KMT2C: variants seen among roughly 807,000 people sequenced by gnomAD.
KMT2C encodes the protein histone-lysine N-methyltransferase 2C.
KMT2C carries 88 observed loss-of-function variants against 507.9 expected under a neutral mutation model. The ratio of observed to expected loss-of-function variants is 0.17; its 90% confidence interval spans 0.15 to 0.21. The LOEUF is 0.21. Ranked by LOEUF, KMT2C falls within the 10% of genes least tolerant of loss-of-function variation. The probability of loss-of-function intolerance (pLI) is 1.00; values close to 1 mark genes in which losing one functional copy is unlikely to be tolerated. For synonymous variants in KMT2C, 2,049 were observed against 2,080.8 expected (o/e 0.98, Z 0.42); for missense variants, 4,954 against 5,957.8 (o/e 0.83, Z 5.55).
At chr7:152,279,089 G>A (rs1464074748) in intron 6 of KMT2C, among the ~76,000 whole-genome samples, 1 of 152,034 alleles carries the variant, frequency 6.6e-6, no homozygotes, top group Non-Finnish European at 1.5e-5. Flanking sequence ...TTAAAAAGCA[G>A]GTATTTCCTA....
At chr7:152,356,584 AC>A (rs1447517055) in intron 2 of KMT2C, among the ~76,000 whole-genome samples, 1 of 151,424 alleles carries the variant, frequency 6.6e-6, no homozygotes, top group Admixed American at 6.6e-5. Context: ...TCTCAAAAAA[AC>A]AAAATTAAAA....
rs587778501 is a variant in KMT2C at position 152,176,382 on chromosome 7, C to T, written c.9071G>A (p.Ser3024Asn). ...CATTAGCTGTTGGGGTCCAGACATG[C>T]TACTGGTACCAGACTGACTTGTTTG... The part of the protein sequence containing the change: ...GPQTSQSGTS[S>N]MSGPQQLMIP... Residue 3024 changes from serine to asparagine, a missense_variant, in exon 38 of 59, where the codon AGC (serine) becomes AAC (asparagine). Transcript: ENST00000262189. The T allele has an allele frequency of 1.2e-6, 2 of 1,614,112 alleles. No individual in the cohort carries two copies. Among genetic ancestry groups the T allele is most frequent in the Admixed American group, 1.7e-5 (1 of 60,024 alleles).
At chr7:152,373,170 A>T (rs931746590) in intron 1 of KMT2C, among the ~76,000 whole-genome samples, 1 of 152,220 alleles carries the variant, frequency 6.6e-6, no homozygotes, top group Non-Finnish European at 1.5e-5. Context: ...AAACAGATAT[A>T]AATGCAGTAA....
At chr7:152,273,363 GTTGA>G (rs1171897616) in intron 7 of KMT2C, among the ~76,000 whole-genome samples, 1 of 152,114 alleles carries the variant, frequency 6.6e-6, no homozygotes, top group South Asian at 2.1e-4. Flanking sequence ...GCTTTTTAGT[GTTGA>G]TTGACTTTTT....
rs2129119981 is a variant in KMT2C, at chr7:152,181,450, G to A, written c.6410C>T (p.Thr2137Ile). 6.2e-7 allele frequency: 1 copy of A among 1,614,100 alleles called. No individual in the cohort carries two copies. Among genetic ancestry groups the A allele is most frequent in the Non-Finnish European group, 8.5e-7 (1 of 1,180,010 alleles). The change falls in exon 36 of 59, where the codon ACT becomes ATT. Residue 2137 changes from threonine (T) to isoleucine (I), a missense_variant. Transcript: ENST00000262189. ...ATAAGAATCTACAACAGGTCGTGGA[G>A]TTCCTGGGGGTTGGGAGTATGGGTC... is the stretch of plus-strand genomic sequence containing the variant. ...SQDPYSQPPG[T>I]PRPVVDSYSQ...
At chr7:152,165,497 T>A (rs2092686188) in intron 42 of KMT2C, among the ~76,000 whole-genome samples, 1 of 152,036 alleles carries the variant, frequency 6.6e-6, no homozygotes, top group Non-Finnish European at 1.5e-5. Context: ...ACCCAGAGAG[T>A]AGATTTAAAG....
chr7:152,175,067 A>G lies in KMT2C; in HGVS notation c.9263-825T>C, dbSNP rs981785192. ...TAGTTTCTATTAAACAATTCCATAA[A>G]TAATAGAATTGAGGGAAGTTTGTAA... On this transcript the variant is annotated intron_variant, in intron 38 of 58. Transcript: ENST00000262189. Among the ~76,000 whole-genome samples the G allele has an allele frequency of 2.6e-5, 4 of 152,212 alleles. No homozygotes were observed. The South Asian group carries it at 8.3e-4, about 32-fold the overall frequency.
chr7:152,246,528 AG>A (rs2095476831), intron 14 of KMT2C, among the ~76,000 whole-genome samples: 1 of 152,132 alleles, frequency 6.6e-6, no homozygotes, highest in Admixed American at 6.5e-5. Flanking sequence ...AAAGTCTACA[AG>A]GAAGGAGAGA....
chr7:152,371,931 C>T (rs1589530665), intron 1 of KMT2C, among the ~76,000 whole-genome samples: 1 of 151,902 alleles, frequency 6.6e-6, no homozygotes, highest in East Asian at 1.9e-4. Context: ...TTTTTAAAAA[C>T]AAGATCCAAT....
In KMT2C at chr7:152,259,080, GA is replaced by G. The variant is rs112224250; in HGVS notation, c.1299+3935del. Among the ~76,000 whole-genome samples the G allele has an allele frequency of 9.4e-3, 1,429 of 151,844 alleles. 27 individuals are homozygous for G. Among genetic ancestry groups the G allele is most frequent in the African/African-American group, 0.033 (1,374 of 41,396 alleles). Reference sequence around the variant, plus strand: ...CATGCCTCTCATCTAATTATAAGGGGATATCAAAGACAAAATGGGGAAATTT... The same window carrying G: ...CATGCCTCTCATCTAATTATAAGGGGTATCAAAGACAAAATGGGGAAATTT... On this transcript the variant is annotated intron_variant, in intron 9 of 58. Coordinates refer to ENST00000262189, the MANE Select transcript of KMT2C (RefSeq NM_170606.3).
At position 152,389,095 on chromosome 7, in the gene KMT2C, G is replaced by T. The variant is rs184743794; in HGVS notation, c.162-30420C>A. Among the ~76,000 whole-genome samples the T allele has an allele frequency of 8.6e-5, 13 of 150,662 alleles. No individual in the cohort carries two copies. The East Asian group carries it at 2.5e-3, about 29-fold the overall frequency. On this transcript the variant is annotated intron_variant, in intron 1 of 58. Coordinates refer to ENST00000262189, the MANE Select transcript of KMT2C (RefSeq NM_170606.3). ...GATGGGGTTTCACCGTGTTAGCAAG[G>T]ATAGTCTCGACCTCCTGGCCTCGTG...
At chr7:152,352,284 A>G (rs1359119934) in intron 2 of KMT2C, among the ~76,000 whole-genome samples, 2 of 152,092 alleles carry the variant, frequency 1.3e-5, no homozygotes, top group African/African-American at 2.4e-5. Context: ...TCTGCTCTCA[A>G]ACTGTCTCCT....
At chr7:152,157,983 A>C in intron 44 of KMT2C, 162 of 1,195,446 alleles carry the variant, frequency 1.4e-4, no homozygotes, top group Non-Finnish European at 1.6e-4. Context: ...AGTGTAGCTC[A>C]ACTTTCTAAG....
At chr7:152,331,881 T>G (rs1027828971) in intron 2 of KMT2C, among the ~76,000 whole-genome samples, 1 of 151,754 alleles carries the variant, frequency 6.6e-6, no homozygotes, top group Non-Finnish European at 1.5e-5. Flanking sequence ...ACTCCTGACC[T>G]CAGGTGATCC....
At chr7:152,416,162 G>A (rs534676776) in intron 1 of KMT2C, among the ~76,000 whole-genome samples, 29 of 152,330 alleles carry the variant, frequency 1.9e-4, no homozygotes, top group South Asian at 6.2e-4. Context: ...GCCAAGGCAG[G>A]GGAGATCACT....
At chr7:152,435,555 G>T in intron 1 of KMT2C, 71 bp downstream of exon 1, 1 of 982,354 alleles carries the variant, frequency 1.0e-6, no homozygotes, top group Non-Finnish European at 1.3e-6. Context: ...GCCGCGGGGC[G>T]GGCGCCCGGT....
intron 6 of KMT2C, among the ~76,000 whole-genome samples, chr7:152,279,547 A>C: frequency 6.6e-6 from 1 of 152,262 alleles, no homozygotes; most frequent in East Asian, 1.9e-4. Context: ...ACTGAAATAA[A>C]ACCTAATCTA....
chr7:152,166,759 G>A (rs1418118739), intron 42 of KMT2C, among the ~76,000 whole-genome samples: 2 of 152,086 alleles, frequency 1.3e-5, no homozygotes, highest in Non-Finnish European at 2.9e-5. Context: ...ATCTCCCCAT[G>A]AGCTCGGTCC....
chr7:152,226,411 T>C (rs1184523143), intron 18 of KMT2C, among the ~76,000 whole-genome samples: 3 of 151,880 alleles, frequency 2.0e-5, no homozygotes, highest in Non-Finnish European at 2.9e-5. Flanking sequence ...TTTTGTACTT[T>C]TAGTAGAGAT....
Sources: gnomAD v4.1 joint callset for allele counts (sites outside exome capture counted in the v4.1 genomes callset) on GRCh38, gnomAD v4.1.1 for gene constraint, MANE v1.5 for transcripts, NCBI Gene and HGNC (gene_info 2026-07-23, HGNC 2026-07-21) for gene names.